The following RP1 variants were observed in gnomAD, a reference collection of about 807,000 sequenced individuals.
RP1 encodes the protein RP1 axonemal microtubule associated, also known as oxygen-regulated protein 1.
In RP1, 16 loss-of-function variants were observed where a neutral mutation model predicts 14.8. The observed-to-expected ratio is 1.08, with a 90% CI of 0.73 to 1.65. The LOEUF (loss-of-function observed/expected upper bound fraction) is 1.65. Ranked by LOEUF, RP1 falls within the 40% of genes most tolerant of loss-of-function variation. The pLI is 0.00. For missense variants in RP1, 2,631 were observed against 2,535.0 expected (o/e 1.04, Z -0.81); for synonymous variants, 876 against 883.6 (o/e 0.99, Z 0.15).
At chr8:54,776,903 C>T (rs1250961240) in intron 23 of RP1, among the ~76,000 whole-genome samples, 1 of 152,178 alleles carries the variant, frequency 6.6e-6, no homozygotes, top group Non-Finnish European at 1.5e-5. Flanking sequence ...GTATAGTTGT[C>T]CTACCTGAAT....
intron 12 of RP1, among the ~76,000 whole-genome samples, chr8:54,688,872 G>A (rs1807635392): frequency 6.6e-6 from 1 of 152,118 alleles, no homozygotes; most frequent in Admixed American, 6.6e-5. Flanking sequence ...ACTTGATGGG[G>A]ATGGCACTGA....
Position 54,628,040 on chromosome 8 carries a change from A to G in RP1, c.4158A>G (p.Thr1386=). Residue 1386 remains threonine, a synonymous_variant, in exon 4 of 4, where the codon ACA becomes ACG. Coordinates refer to ENST00000220676, the MANE Select transcript of RP1 (RefSeq NM_006269.2). ...CTGAATATAAAAATGGATTTAATAC[A>G]TTGGTGTCACATCAAAATGTCAGTA... The part of the protein sequence containing the change: ...TDPEYKNGFN[T]LVSHQNVSNL... 3 of 1,614,056 alleles carry G rather than the reference A, an allele frequency of 1.9e-6. No homozygotes were observed. The highest frequency in any genetic ancestry group is 2.5e-6 in the Non-Finnish European group (3 of 1,179,950).
Position 54,629,780 on chromosome 8 carries a change from G to A in RP1, c.5898G>A (p.Val1966=). The change falls in exon 4 of 4, where the codon GTG becomes GTA. Residue 1966 remains valine, a synonymous_variant. Transcript: ENST00000220676. ...ATTTACTTCAGACAGACAAAAATGT[G>A]TTCAGGGAAGAGAACAATAAAGCAA... ...HPYLLQTDKN[V]FREENNKASM... 1 of 1,610,204 alleles carries A rather than the reference G, an allele frequency of 6.2e-7. No individual in the cohort carries two copies. The highest frequency in any genetic ancestry group is 1.3e-5 in the African/African-American group (1 of 74,788).
chr8:54,685,344 G>A (rs748241869), intron 12 of RP1, among the ~76,000 whole-genome samples: 15 of 152,096 alleles, frequency 9.9e-5, no homozygotes, highest in Non-Finnish European at 2.2e-4. Flanking sequence ...CAGAGTTCTG[G>A]TGTGTTGTCT....
chr8:54,597,083 A>C (rs1335938175), intron 1 of RP1, among the ~76,000 whole-genome samples: 1 of 152,264 alleles, frequency 6.6e-6, no homozygotes, highest in South Asian at 2.1e-4. Flanking sequence ...TGTTCAATAG[A>C]ATAGAACTAA....
At chr8:54,777,208 C>G (rs1259759877) in intron 23 of RP1, among the ~76,000 whole-genome samples, 2 of 152,186 alleles carry the variant, frequency 1.3e-5, no homozygotes, top group South Asian at 2.1e-4. Flanking sequence ...AGCTTTTAAA[C>G]TGTATGTTTC....
At chr8:54,568,624 A>G (rs1197703768) in intron 1 of RP1, among the ~76,000 whole-genome samples, 1 of 152,212 alleles carries the variant, frequency 6.6e-6, no homozygotes, top group African/African-American at 2.4e-5. Context: ...GGACATTAAG[A>G]CGCTTGTGCT....
intron 1 of RP1, among the ~76,000 whole-genome samples, chr8:54,575,871 TA>T (rs749927531): frequency 1.3e-5 from 2 of 152,186 alleles, no homozygotes; most frequent in Non-Finnish European, 1.5e-5. Flanking sequence ...TCTATTTCTG[TA>T]GCACCGTTAT....
At chr8:54,692,983 T>G (rs1199467455) in intron 12 of RP1, among the ~76,000 whole-genome samples, 3 of 152,142 alleles carry the variant, frequency 2.0e-5, no homozygotes, top group Non-Finnish European at 4.4e-5. Context: ...CCATCTTGAA[T>G]TAATTTTTGT....
In RP1 at chr8:54,627,429, G is replaced by A. The variant is rs1806096855; in HGVS notation, c.3547G>A (p.Val1183Ile). The A allele has an allele frequency of 6.2e-7, 1 of 1,614,032 alleles. No individual in the cohort carries two copies. Among genetic ancestry groups the A allele is most frequent in the South Asian group, 1.1e-5 (1 of 91,090 alleles). Reference protein sequence around the residue: ...TEEADDLKAAVANLVESTTSH... With the variant: ...TEEADDLKAAIANLVESTTSH... ...GGAAGCTGATGACTTGAAAGCTGCT[G>A]TTGCCAATTTAGTGGAGTCAACTAC... The change falls in exon 4 of 4, where the codon GTT (valine) becomes ATT (isoleucine). Residue 1183 changes from valine to isoleucine, a missense_variant. Physicochemically the swap from Val to Ile is conservative, Grantham distance 29 (BLOSUM62 3). Coordinates refer to ENST00000220676, the MANE Select transcript of RP1 (RefSeq NM_006269.2).
intron 24 of RP1, among the ~76,000 whole-genome samples, chr8:54,831,401 CTTTTTTT>C (rs368455444): frequency 9.7e-6 from 1 of 102,746 alleles, no homozygotes; most frequent in Non-Finnish European, 1.9e-5. Context: ...CCTATTGTTT[CTTTTTTT>C]TTTTTTTTTT....
At chr8:54,764,498 A>G (rs1339180676) in intron 22 of RP1, among the ~76,000 whole-genome samples, 3 of 152,208 alleles carry the variant, frequency 2.0e-5, no homozygotes, top group African/African-American at 7.2e-5. Context: ...ATTTTCCTGT[A>G]TACCTTTCAC....
intron 1 of RP1, among the ~76,000 whole-genome samples, chr8:54,608,533 C>G (rs1472787919): frequency 6.6e-6 from 1 of 152,036 alleles, no homozygotes; most frequent in Admixed American, 6.5e-5. Flanking sequence ...AGTTGGCTTA[C>G]ATATGTTTGT....
At chr8:54,767,757 A>C (rs1809795901) in intron 22 of RP1, among the ~76,000 whole-genome samples, 1 of 152,210 alleles carries the variant, frequency 6.6e-6, no homozygotes, top group South Asian at 2.1e-4. Context: ...AAGATGGGAT[A>C]CATAAACCAA....
At chr8:54,678,948 T>C (rs1025912440) in intron 9 of RP1, among the ~76,000 whole-genome samples, 1 of 152,164 alleles carries the variant, frequency 6.6e-6, no homozygotes, top group Admixed American at 6.6e-5. Context: ...ACCTTGATTT[T>C]TGAGTTATTT....
At position 54,565,972 on chromosome 8, in the gene RP1, G is replaced by A. The variant is rs115124699; in HGVS notation, c.-13+6652G>A. Among the ~76,000 whole-genome samples the A allele has an allele frequency of 3.4e-3, 522 of 152,130 alleles. 3 individuals carry two copies. Among genetic ancestry groups the A allele is most frequent in the African/African-American group, 0.012 (505 of 41,488 alleles). ...GCCATCTTTGACATTCCTTGCTTGG[G>A]GGAGCATCACTCCTGTCTCTGCCTT... On this transcript the variant is annotated intron_variant, in intron 1 of 22. Transcript: ENST00000636932.
At chr8:54,595,346 G>T (rs559426471) in intron 1 of RP1, among the ~76,000 whole-genome samples, 2 of 152,130 alleles carry the variant, frequency 1.3e-5, no homozygotes, top group South Asian at 4.2e-4. Flanking sequence ...AGCCAGGATG[G>T]TCTTGATCTC....
chr8:54,824,550 C>T (rs1003421216), intron 24 of RP1, among the ~76,000 whole-genome samples: 6 of 152,154 alleles, frequency 3.9e-5, no homozygotes, highest in African/African-American at 1.4e-4. Flanking sequence ...TACTGTCTAA[C>T]TCATTCTATG....
chr8:54,699,601 T>A (rs1427430283), intron 13 of RP1: 1 of 1,046,140 alleles, frequency 9.6e-7, no homozygotes, highest in Non-Finnish European at 1.3e-6. Flanking sequence ...TTGCCATATA[T>A]CAATAGTATT....
Sources: gnomAD v4.1 joint callset for allele counts (sites outside exome capture counted in the v4.1 genomes callset) on GRCh38, gnomAD v4.1.1 for gene constraint, MANE v1.5 for transcripts, NCBI Gene and HGNC (gene_info 2026-07-23, HGNC 2026-07-21) for gene names.